PDE4DIP: variants seen among roughly 807,000 people sequenced by gnomAD.
PDE4DIP encodes the protein myomegalin.
A neutral mutation model predicts 221.4 loss-of-function variants in PDE4DIP; 59 were observed. The observed-to-expected ratio is 0.27, with a 90% CI of 0.22 to 0.33. PDE4DIP has a LOEUF of 0.33. Ranked by LOEUF, PDE4DIP falls within the 10% of genes least tolerant of loss-of-function variation. The pLI is 1.00. For missense variants in PDE4DIP, 1,036 were observed against 2,154.2 expected (o/e 0.48, Z 10.28); for synonymous variants, 404 against 815.9 (o/e 0.50, Z 8.60).
chr1:148,975,626 T>C (rs1375918113), intron 17 of PDE4DIP, among the ~76,000 whole-genome samples: 6 of 152,192 alleles, frequency 3.9e-5, no homozygotes, highest in Non-Finnish European at 7.3e-5. Context: ...GGAAGAGGCC[T>C]TTCAGCCTTA....
intron 5 of PDE4DIP, among the ~76,000 whole-genome samples, chr1:148,958,058 A>T (rs1574286182): frequency 6.7e-6 from 1 of 148,156 alleles, no homozygotes; most frequent in East Asian, 2.0e-4. Flanking sequence ...TAATGTGGTT[A>T]CTTTGCCCAT....
At chr1:148,981,284 G>A (rs868928439) in exon 21 of PDE4DIP, 21 of 1,613,274 alleles carry the variant, frequency 1.3e-5, no homozygotes, top group Middle Eastern at 1.8e-4. Context: ...GAGAGAGACC[G>A]AACTCTGCAG....
At chr1:148,955,927 TATG>T (rs1404987367) in intron 5 of PDE4DIP, among the ~76,000 whole-genome samples, 15 of 151,856 alleles carry the variant, frequency 9.9e-5, no homozygotes, top group African/African-American at 3.1e-4. Context: ...ATTTAATTAT[TATG>T]CCATTTTCTC....
At chr1:148,937,976 C>T in intron 5 of PDE4DIP, 112 bp downstream of exon 8, 1 of 566,468 alleles carries the variant, frequency 1.8e-6, no homozygotes, top group Non-Finnish European at 3.2e-6. Flanking sequence ...TTACTACAAA[C>T]TTAGCAGTTT....
intron 35 of PDE4DIP, among the ~76,000 whole-genome samples, chr1:149,019,173 C>CA (rs2071750172): frequency 3.7e-5 from 1 of 27,280 alleles, no homozygotes; most frequent in Non-Finnish European, 7.5e-5. Context: ...TGACTCCATG[C>CA]CGAGTGGCAC....
chr1:148,946,658 T>C (rs2051817540), intron 5 of PDE4DIP, among the ~76,000 whole-genome samples: 1 of 139,306 alleles, frequency 7.2e-6, no homozygotes, highest in South Asian at 2.5e-4. Context: ...CAAATTCTTT[T>C]GCCTTTGTCA....
chr1:149,012,997 C>T (rs1553607069), intron 32 of PDE4DIP, among the ~76,000 whole-genome samples: 1 of 151,868 alleles, frequency 6.6e-6, no homozygotes, highest in Non-Finnish European at 1.5e-5. Flanking sequence ...GTTCACGAGG[C>T]TCTAGACCTG....
chr1:148,976,035 A>G (rs587684532), intron 17 of PDE4DIP, among the ~76,000 whole-genome samples: 1 of 151,450 alleles, frequency 6.6e-6, no homozygotes, highest in African/African-American at 2.4e-5. Context: ...AAAATCCCCT[A>G]GTCCCCCTTC....
chr1:148,976,036 G>T (rs2060110903), intron 17 of PDE4DIP, among the ~76,000 whole-genome samples: 1 of 151,036 alleles, frequency 6.6e-6, no homozygotes, highest in African/African-American at 2.4e-5. Context: ...AAATCCCCTA[G>T]TCCCCCTTCC....
intron 6 of PDE4DIP, among the ~76,000 whole-genome samples, chr1:148,961,469 G>T (rs1464580724): frequency 6.6e-6 from 1 of 151,862 alleles, no homozygotes; most frequent in African/African-American, 2.4e-5. Flanking sequence ...TTGTGGCCTG[G>T]GTGCCCTTAT....
At chr1:148,969,318 G>A (rs375196928) in intron 14 of PDE4DIP, among the ~76,000 whole-genome samples, 1 of 147,684 alleles carries the variant, frequency 6.8e-6, no homozygotes, top group Non-Finnish European at 1.5e-5. Context: ...GAGCTGCTGC[G>A]CCTGGCCTTA....
rs1289819184 is a variant in PDE4DIP at position 149,029,734 on chromosome 1, A to G, written c.6814-53A>G. On this transcript the variant is annotated intron_variant, in intron 41 of 43. Coordinates refer to ENST00000369354, the Ensembl canonical transcript of PDE4DIP. The stretch of plus-strand genomic sequence containing the variant: ...TGAATTGGAAAGAGCCACAAAGCAC[A>G]GGGTGCTTTAGGCCTTCTGCCTGGT... 148 of 849,448 alleles carry G rather than the reference A, an allele frequency of 1.7e-4. No individual in the cohort carries two copies. The East Asian group carries it at 2.7e-3, about 15-fold the overall frequency. 52.6% of individuals were successfully genotyped at this position (849,448 alleles called of 1,614,324 possible).
At chr1:148,816,456 TTTTG>T (rs1469879312) in intron 1 of PDE4DIP, among the ~76,000 whole-genome samples, 3 of 149,480 alleles carry the variant, frequency 2.0e-5, no homozygotes, top group Non-Finnish European at 4.5e-5. Context: ...TATTTTCTGT[TTTTG>T]TTTTTTAAAA....
chr1:148,999,934 GTT>G (rs66922073), intron 23 of PDE4DIP, among the ~76,000 whole-genome samples: 1 of 149,568 alleles, frequency 6.7e-6, no homozygotes, highest in Non-Finnish European at 1.5e-5. Flanking sequence ...AAAAATATCA[GTT>G]TTTTTTAATA....
At chr1:148,929,219 T>A in exon 2 of PDE4DIP, 1 of 1,613,688 alleles carries the variant, frequency 6.2e-7, no homozygotes. Flanking sequence ...AAGGTTGAAG[T>A]GGAGAGCTTG....
rs1553436565 is a variant in PDE4DIP, at chr1:148,890,813, G to C, written c.141+919G>C. Among the ~76,000 whole-genome samples the C allele has an allele frequency of 2.4e-4, 18 of 75,210 alleles. No homozygotes were observed. In the South Asian group the frequency reaches 9.6e-3, roughly 40 times the overall value. 49.3% of individuals were successfully genotyped at this position (75,210 alleles called of 152,430 possible). A position where few individuals can be genotyped will look rare whatever the true frequency, so the allele number is the denominator to read the frequency against. On this transcript the variant is annotated intron_variant, in intron 1 of 43. Transcript: ENST00000369354. The stretch of plus-strand genomic sequence containing the variant: ...GGGGTGGCACTATGTTGTCCAGGCT[G>C]GTCTCAAACTCCTGGCCTTTAGATC...
intron 12 of PDE4DIP, among the ~76,000 whole-genome samples, chr1:148,967,480 A>C (rs601274): frequency 6.6e-6 from 1 of 151,234 alleles, no homozygotes; most frequent in African/African-American, 2.4e-5. Flanking sequence ...CCTTTATAGC[A>C]TAGTGCACTT....
At chr1:149,005,074 T>A in exon 27 of PDE4DIP, 1 of 1,613,430 alleles carries the variant, frequency 6.2e-7, no homozygotes, top group Middle Eastern at 1.7e-4. Context: ...TCAGAAAACA[T>A]CTTGGTCCTA....
intron 1 of PDE4DIP, among the ~76,000 whole-genome samples, chr1:148,924,689 C>T (rs1553464703): frequency 1.4e-5 from 2 of 144,954 alleles, no homozygotes; most frequent in East Asian, 4.0e-4. Flanking sequence ...GCGAACACTC[C>T]TTTGGAGGCA....
Sources: gnomAD v4.1 joint callset for allele counts (sites outside exome capture counted in the v4.1 genomes callset) on GRCh38, gnomAD v4.1.1 for gene constraint, MANE v1.5 for transcripts, NCBI Gene and HGNC (gene_info 2026-07-23, HGNC 2026-07-21) for gene names.